The following EPB41L5 variants were observed in gnomAD, a reference collection of about 807,000 sequenced individuals.
EPB41L5 encodes erythrocyte membrane protein band 4.1 like 5.
A neutral mutation model predicts 106.6 loss-of-function variants in EPB41L5; 55 were observed. That is an observed-to-expected ratio of 0.52 (90% CI 0.42 to 0.65). The LOEUF is 0.65. Among genes scored for constraint, EPB41L5 ranks in the 30% least tolerant of loss-of-function variants. The pLI is 0.00. For synonymous variants in EPB41L5, 297 were observed against 306.7 expected, an observed-to-expected ratio of 0.97 and a Z score of 0.33; for missense variants, 871 against 882.1, an observed-to-expected ratio of 0.99 and a Z score of 0.16.
At chr2:120,109,556 A>G (rs1684627014) in intron 16 of EPB41L5, among the ~76,000 whole-genome samples, 1 of 152,140 alleles carries the variant, frequency 6.6e-6, no homozygotes, top group Non-Finnish European at 1.5e-5. Context: ...TCCATACTCT[A>G]AGGCCCAGGT....
chr2:120,042,782 G>C (rs1052751312), intron 3 of EPB41L5, among the ~76,000 whole-genome samples: 1 of 151,994 alleles, frequency 6.6e-6, no homozygotes, highest in African/African-American at 2.4e-5. Context: ...CAAATAATTG[G>C]GATTAGGTAG....
intron 10 of EPB41L5, among the ~76,000 whole-genome samples, chr2:120,081,842 T>TTCTCTTTGAAGAGGTCCTTCACA: frequency 6.6e-6 from 1 of 152,210 alleles, no homozygotes; most frequent in Non-Finnish European, 1.5e-5. Context: ...GTAAGTTGGA[T>TTCTCTTTGAAGAGGTCCTTCACA]TCCTAGGTAT....
At chr2:120,142,272 T>A (rs1357189557) in intron 18 of EPB41L5, among the ~76,000 whole-genome samples, 1 of 152,168 alleles carries the variant, frequency 6.6e-6, no homozygotes, top group Non-Finnish European at 1.5e-5. Context: ...TTGACCTATG[T>A]CTGAAATCCT....
chr2:120,060,038 C>G (rs1239121449), intron 3 of EPB41L5, among the ~76,000 whole-genome samples: 1 of 152,106 alleles, frequency 6.6e-6, no homozygotes, highest in Non-Finnish European at 1.5e-5. Context: ...CAGGGAAGTG[C>G]CAATTAAGAC....
intron 24 of EPB41L5, among the ~76,000 whole-genome samples, chr2:120,169,029 T>C (rs2105565045): frequency 6.6e-6 from 1 of 152,344 alleles, no homozygotes; most frequent in South Asian, 2.1e-4. Flanking sequence ...CAATAAAATG[T>C]GAGCTCTTAA....
rs371346032 is a variant in EPB41L5 at position 120,164,858 on chromosome 2, C to T, written c.1910C>T (p.Ala637Val). 1.4e-4 allele frequency: 219 copies of T among 1,612,120 alleles called. No homozygotes were observed. The highest frequency in any genetic ancestry group is 1.8e-4 in the Non-Finnish European group (214 of 1,179,106). The part of the protein sequence containing the change: ...VLKEATDELD[A>V]LLASLTENLI... The stretch of plus-strand genomic sequence containing the variant: ...TAGGAAGCTACAGATGAATTGGATG[C>T]CTTGCTTGCATCTCTAACTGAGAAT... Residue 637 changes from alanine (A) to valine (V), a missense_variant, in exon 22 of 25, where the codon GCC becomes GTC. By Grantham distance (64) the Ala-to-Val change is moderately conservative (BLOSUM62 0). Coordinates refer to ENST00000263713, the MANE Select transcript of EPB41L5 (RefSeq NM_020909.4).
At chr2:120,036,304 G>C (rs1202459939) in intron 2 of EPB41L5, among the ~76,000 whole-genome samples, 1 of 152,150 alleles carries the variant, frequency 6.6e-6, no homozygotes. Context: ...TTATTAACCT[G>C]AGGGAGTTGT....
intron 2 of EPB41L5, among the ~76,000 whole-genome samples, chr2:120,021,046 C>G (rs142766724): frequency 6.6e-6 from 1 of 152,100 alleles, no homozygotes; most frequent in Non-Finnish European, 1.5e-5. Flanking sequence ...TTTTGTGAAA[C>G]AAGAACAGTT....
chr2:120,104,550 G>A lies in EPB41L5; in HGVS notation c.1337+3736G>A, dbSNP rs967356254. 5.9e-5 allele frequency: 60 copies of A among 1,014,900 alleles called. No homozygotes were observed. The African/African-American group carries it at 9.4e-4, about 16-fold the overall frequency. 62.9% of individuals were successfully genotyped at this position (1,014,900 alleles called of 1,614,324 possible). ...GACTGTATCTCAGGAGAAGGTTTGT[G>A]TTTGTGAACAAGGTGCCCATTATTC... On this transcript the variant is annotated intron_variant, in intron 16 of 24. Coordinates refer to ENST00000263713, the MANE Select transcript of EPB41L5 (RefSeq NM_020909.4).
At chr2:120,161,174 T>TC (rs150354476) in intron 21 of EPB41L5, among the ~76,000 whole-genome samples, 200 bp downstream of exon 21, 3,321 of 152,052 alleles carry the variant, frequency 0.022, 119 homozygotes, top group African/African-American at 0.075. Context: ...GCTCAGGAGT[T>TC]CAAGACCAGC....
At position 120,160,916 on chromosome 2, in the gene EPB41L5, A is replaced by G. The variant is rs568385225; in HGVS notation, c.1829A>G (p.Lys610Arg). 1.2e-5 allele frequency: 20 copies of G among 1,613,486 alleles called. No homozygotes were observed. The highest frequency in any genetic ancestry group is 1.7e-5 in the Non-Finnish European group (20 of 1,179,486). ...VLNENNVPLP[K>R]ESLETLMLIT... Reference sequence around the variant, plus strand: ...AATGAGAATAATGTGCCCCTCCCCAAAGAGTCTCTTGAGACTCTGATGCTT... The same window carrying G: ...AATGAGAATAATGTGCCCCTCCCCAGAGAGTCTCTTGAGACTCTGATGCTT... Residue 610 changes from lysine to arginine, a missense_variant, in exon 21 of 25, where the codon AAA (lysine) becomes AGA (arginine). Transcript: ENST00000263713.
chr2:120,158,923 C>G (rs967558731), intron 20 of EPB41L5, among the ~76,000 whole-genome samples: 3 of 152,182 alleles, frequency 2.0e-5, no homozygotes, highest in African/African-American at 4.8e-5. Context: ...ACAAAAATCA[C>G]TAGCATTCCT....
At chr2:120,040,965 G>A (rs1679367069) in intron 2 of EPB41L5, among the ~76,000 whole-genome samples, 1 of 152,048 alleles carries the variant, frequency 6.6e-6, no homozygotes, top group Admixed American at 6.6e-5. Context: ...GCATGGATGA[G>A]CAGTTATGAA....
chr2:120,126,105 C>G (rs767810702), intron 16 of EPB41L5, among the ~76,000 whole-genome samples: 5 of 152,196 alleles, frequency 3.3e-5, no homozygotes, highest in Middle Eastern at 3.4e-3. Flanking sequence ...GTAGTATCAC[C>G]TCATCCTAAC....
chr2:120,092,955 T>C (rs564147792), intron 13 of EPB41L5, among the ~76,000 whole-genome samples: 9 of 152,326 alleles, frequency 5.9e-5, no homozygotes, highest in African/African-American at 2.2e-4. Flanking sequence ...AGATTTATGG[T>C]TGGGGCCAAA....
At chr2:120,061,947 A>G (rs1681111487) in intron 3 of EPB41L5, among the ~76,000 whole-genome samples, 1 of 152,170 alleles carries the variant, frequency 6.6e-6, no homozygotes, top group Non-Finnish European at 1.5e-5. Flanking sequence ...TGGAGAATAG[A>G]GCTGGTAGTT....
intron 3 of EPB41L5, among the ~76,000 whole-genome samples, chr2:120,065,988 T>G (rs938721919): frequency 3.3e-5 from 5 of 152,026 alleles, no homozygotes; most frequent in African/African-American, 1.2e-4. Context: ...CTTGAAAAAT[T>G]TTCTTCTTCC....
At chr2:120,114,723 G>A (rs1051131540) in intron 16 of EPB41L5, among the ~76,000 whole-genome samples, 1 of 152,136 alleles carries the variant, frequency 6.6e-6, no homozygotes, top group African/African-American at 2.4e-5. Context: ...AGTATGGTTG[G>A]TTTTGGAGAA....
chr2:120,105,064 T>C, intron 16 of EPB41L5: 1 of 982,272 alleles, frequency 1.0e-6, no homozygotes, highest in Non-Finnish European at 1.2e-6. Context: ...TGCAACAGTC[T>C]CATAATCTGA....
Sources: gnomAD v4.1 joint callset for allele counts (sites outside exome capture counted in the v4.1 genomes callset) on GRCh38, gnomAD v4.1.1 for gene constraint, MANE v1.5 for transcripts, NCBI Gene and HGNC (gene_info 2026-07-23, HGNC 2026-07-21) for gene names.